PALS2: variants seen among roughly 807,000 people sequenced by gnomAD.
PALS2 encodes protein associated with LIN7 2, MAGUK p55 family member.
In PALS2, 27 loss-of-function variants were observed where a neutral mutation model predicts 61.6. That is an observed-to-expected ratio of 0.44 (90% CI 0.32 to 0.60). The LOEUF is 0.60. Among genes scored for constraint, PALS2 ranks in the 20% least tolerant of loss-of-function variants. PALS2 has a pLI of 0.05. For synonymous variants in PALS2, 236 were observed against 218.6 expected, an observed-to-expected ratio of 1.08 and a Z score of -0.70; for missense variants, 554 against 639.4, an observed-to-expected ratio of 0.87 and a Z score of 1.44.
At position 24,649,606 on chromosome 7, in the gene PALS2, T is replaced by C. The variant is rs1280842607; in HGVS notation, c.271-6T>C. ...AATAACCACAGGCTATTTTGACTCCTTATAGTCACTGTTGGAGGCCCATGA... is the reference window on the plus strand; with the variant it reads ...AATAACCACAGGCTATTTTGACTCCCTATAGTCACTGTTGGAGGCCCATGA... On this transcript the variant is annotated splice_region_variant and splice_polypyrimidine_tract_variant and intron_variant, in intron 3 of 11. Coordinates refer to ENST00000222644, the MANE Select transcript of PALS2 (RefSeq NM_001303037.2). 7 of 1,587,032 alleles carry C rather than the reference T, an allele frequency of 4.4e-6. No individual in the cohort carries two copies. The South Asian group carries it at 7.0e-5, about 16-fold the overall frequency.
intron 1 of PALS2, among the ~76,000 whole-genome samples, chr7:24,608,597 C>CATTTTA (rs372670403): frequency 2.0e-5 from 3 of 152,014 alleles, no homozygotes; most frequent in South Asian, 2.1e-4. Context: ...TCTGCTGTTA[C>CATTTTA]ATTTTAATTT....
chr7:24,675,951 C>T (rs1000969218), intron 9 of PALS2, among the ~76,000 whole-genome samples: 3 of 149,556 alleles, frequency 2.0e-5, no homozygotes, highest in African/African-American at 7.6e-5. Context: ...GTTCTAGATC[C>T]TTGAGGAATC....
intron 4 of PALS2, among the ~76,000 whole-genome samples, 190 bp from the exon 5 acceptor site, chr7:24,650,295 T>A (rs1373075822): frequency 2.0e-5 from 3 of 152,122 alleles, no homozygotes; most frequent in African/African-American, 7.2e-5. Flanking sequence ...ATACATCCTA[T>A]CCACTAGTGT....
intron 1 of PALS2, among the ~76,000 whole-genome samples, chr7:24,593,021 T>C (rs577322881): frequency 6.6e-6 from 1 of 152,220 alleles, no homozygotes; most frequent in South Asian, 2.1e-4. Context: ...TTTGAGAACA[T>C]TTTATCTATA....
chr7:24,683,991 GA>G (rs762189771), intron 11 of PALS2, among the ~76,000 whole-genome samples: 18 of 152,104 alleles, frequency 1.2e-4, no homozygotes, highest in Non-Finnish European at 2.4e-4. Flanking sequence ...AACATTCTGG[GA>G]ATAAGTATAT....
intron 1 of PALS2, among the ~76,000 whole-genome samples, chr7:24,599,056 A>G (rs1166734398): frequency 6.6e-6 from 1 of 152,196 alleles, no homozygotes; most frequent in Admixed American, 6.5e-5. Flanking sequence ...TCACTTAACA[A>G]AGGGGATACA....
chr7:24,577,689 C>G (rs1468723444), intron 1 of PALS2, among the ~76,000 whole-genome samples: 1 of 152,074 alleles, frequency 6.6e-6, no homozygotes, highest in South Asian at 2.1e-4. Context: ...GGAACTCTTC[C>G]TAAATCATTA....
At position 24,676,733 on chromosome 7, in the gene PALS2, G is replaced by A. The variant is rs370310454; in HGVS notation, c.1115-2398G>A. ...GGGCTCTGTTCTGTTCCATTGATCT[G>A]TATCTCTGTTTTGGTACCAGTCCCA... On this transcript the variant is annotated intron_variant, in intron 9 of 11. Coordinates refer to ENST00000222644, the MANE Select transcript of PALS2 (RefSeq NM_001303037.2). 7.1e-3 allele frequency among the ~76,000 whole-genome samples: 1,072 copies of A among 150,230 alleles called. 44 individuals are homozygous for A. In the East Asian group the frequency reaches 0.087, roughly 12 times the overall value.
chr7:24,634,465 C>T (rs575711585), intron 2 of PALS2, among the ~76,000 whole-genome samples: 6 of 152,234 alleles, frequency 3.9e-5, no homozygotes, highest in South Asian at 2.1e-4. Context: ...CTCCTGACCT[C>T]GTGATCCATC....
intron 2 of PALS2, among the ~76,000 whole-genome samples, chr7:24,640,911 G>C (rs966054483): frequency 1.3e-5 from 2 of 150,928 alleles, no homozygotes; most frequent in Non-Finnish European, 2.9e-5. Context: ...GGGAGGCTGA[G>C]GCAGGAGAAT....
intron 5 of PALS2, among the ~76,000 whole-genome samples, chr7:24,653,411 C>G (rs1179173183): frequency 6.6e-6 from 1 of 150,952 alleles, no homozygotes; most frequent in Non-Finnish European, 1.5e-5. Flanking sequence ...AAAAATAGAA[C>G]AAACATTATT....
chr7:24,581,302 G>A (rs74605016), intron 1 of PALS2, among the ~76,000 whole-genome samples: 8,449 of 148,952 alleles, frequency 0.057, 324 homozygotes, highest in African/African-American at 0.1. Flanking sequence ...AGAGAGAAAG[G>A]GAAATCTCCC....
intron 2 of PALS2, among the ~76,000 whole-genome samples, chr7:24,639,755 A>G (rs1024038566): frequency 7.2e-6 from 1 of 138,826 alleles, no homozygotes; most frequent in African/African-American, 2.7e-5. Context: ...GGCTTGTATT[A>G]TATGTTCAGA....
rs545375685 is a variant in PALS2 at position 24,644,680 on chromosome 7, T to G, written c.270+2812T>G. Among the ~76,000 whole-genome samples the G allele has an allele frequency of 4.6e-4, 70 of 152,206 alleles. 2 individuals carry two copies. In the South Asian group the frequency reaches 0.013, roughly 29 times the overall value. On this transcript the variant is annotated intron_variant, in intron 3 of 11. Coordinates refer to ENST00000222644, the MANE Select transcript of PALS2 (RefSeq NM_001303037.2). Reference sequence around the variant, plus strand: ...TATACCCAGTAATGGGATTGCTGGGTCAAATGGTAGTTCTGCTTTTAGCTC... The same window carrying G: ...TATACCCAGTAATGGGATTGCTGGGGCAAATGGTAGTTCTGCTTTTAGCTC...
intron 6 of PALS2, among the ~76,000 whole-genome samples, chr7:24,665,022 C>T (rs910028197): frequency 2.6e-5 from 4 of 152,066 alleles, no homozygotes; most frequent in Non-Finnish European, 5.9e-5. Flanking sequence ...AGCCAGTTCT[C>T]CAGCCACTAT....
intron 3 of PALS2, among the ~76,000 whole-genome samples, chr7:24,643,166 A>T (rs995339964): frequency 6.6e-6 from 1 of 152,118 alleles, no homozygotes; most frequent in Non-Finnish European, 1.5e-5. Context: ...ACTAGAAGAA[A>T]ATGTTTTGGA....
rs945109097 is a variant in PALS2 at position 24,680,586 on chromosome 7, T to C, written c.1446+66T>C. The stretch of plus-strand genomic sequence containing the variant: ...TTCTTTTGAGCATGTTTAACTGTTA[T>C]CTAATTTATTTTTATTTATTTATTT... On this transcript the variant is annotated intron_variant, in intron 11 of 11. Transcript: ENST00000222644. The C allele has an allele frequency of 4.0e-5, 60 of 1,505,566 alleles. 1 individual carries two copies. The South Asian group carries it at 7.7e-4, about 19-fold the overall frequency. 93.3% of individuals were successfully genotyped at this position (1,505,566 alleles called of 1,614,324 possible). A position where few individuals can be genotyped will look rare whatever the true frequency, so the allele number is the denominator to read the frequency against.
At chr7:24,575,959 G>A (rs1583816245) in intron 1 of PALS2, among the ~76,000 whole-genome samples, 1 of 151,870 alleles carries the variant, frequency 6.6e-6, no homozygotes, top group Non-Finnish European at 1.5e-5. Flanking sequence ...TGAGTGACTA[G>A]ATTTTTTTTT....
chr7:24,687,335 C>A lies in PALS2; in HGVS notation c.1447-103C>A. ...TTTTGAAGATTAATACCAGAATTAC[C>A]AGAAATATATCTAACCTATTTATTA... On this transcript the variant is annotated intron_variant, in intron 11 of 11. Coordinates refer to ENST00000222644, the MANE Select transcript of PALS2 (RefSeq NM_001303037.2). The surrounding 1 kb of genome is among the most constrained non-coding windows in gnomAD (Gnocchi z 4.5). 1.2e-6 allele frequency: 1 copy of A among 864,192 alleles called. No homozygotes were observed. The highest frequency in any genetic ancestry group is 1.8e-6 in the Non-Finnish European group (1 of 560,448). The allele number at this position is 864,192 out of a possible 1,614,324, so 53.5% of individuals were successfully genotyped here. A position where few individuals can be genotyped will look rare whatever the true frequency, so the allele number is the denominator to read the frequency against.
Sources: gnomAD v4.1 joint callset for allele counts (sites outside exome capture counted in the v4.1 genomes callset) on GRCh38, gnomAD v4.1.1 for gene constraint, Gnocchi (gnomAD v3.1) non-coding constraint, MANE v1.5 for transcripts, NCBI Gene and HGNC (gene_info 2026-07-23, HGNC 2026-07-21) for gene names.